Variants in KLC1 observed in about 807,000 individuals in gnomAD.
KLC1 encodes the protein kinesin light chain 1.
A neutral mutation model predicts 84.2 loss-of-function variants in KLC1; 30 were observed. The ratio of observed to expected loss-of-function variants is 0.36; its 90% CI spans 0.27 to 0.48. KLC1 has a LOEUF of 0.48. Ranked by LOEUF, KLC1 falls within the 20% of genes least tolerant of loss-of-function variation. KLC1 has a pLI of 0.99. For synonymous variants in KLC1, 289 were observed against 293.3 expected (o/e 0.99, Z 0.15); for missense variants, 499 against 805.4 (o/e 0.62, Z 4.60).
Position 103,669,587 on chromosome 14 carries a change from G to T in KLC1, c.874G>T (p.Asp292Tyr). Reference sequence around the variant, plus strand: ...TATTCGTGAGAAAACTTTGGGCAAAGATCATCCTGCGGTTTGTATATCCAG... The same window carrying T: ...TATTCGTGAGAAAACTTTGGGCAAATATCATCCTGCGGTTTGTATATCCAG... The part of the protein sequence containing the change: ...LAIREKTLGK[D>Y]HPAVAATLNN... The change falls in exon 6 of 17, where the codon GAT (aspartate) becomes TAT (tyrosine). Residue 292 changes from aspartate (D) to tyrosine (Y), a missense_variant. Asp to Tyr is a radical substitution (Grantham distance 160, BLOSUM62 -3). Transcript: ENST00000334553. 1 of 1,604,120 alleles carries T rather than the reference G, an allele frequency of 6.2e-7. No homozygotes were observed. Among genetic ancestry groups the T allele is most frequent in the Non-Finnish European group, 8.5e-7 (1 of 1,170,982 alleles).
chr14:103,640,835 T>C (rs1006753460), intron 1 of KLC1, among the ~76,000 whole-genome samples: 2 of 152,322 alleles, frequency 1.3e-5, no homozygotes, highest in Middle Eastern at 3.4e-3. Context: ...ATACTTTGCA[T>C]CCAATTTCCC....
intron 1 of KLC1, among the ~76,000 whole-genome samples, chr14:103,654,043 G>A (rs997091182): frequency 6.6e-6 from 1 of 152,282 alleles, no homozygotes; most frequent in African/African-American, 2.4e-5. Flanking sequence ...CCCGGTGACC[G>A]TGCTGCACCT....
intron 15 of KLC1, chr14:103,696,329 A>T: frequency 6.1e-6 from 6 of 985,204 alleles, no homozygotes; most frequent in Non-Finnish European, 7.2e-6. Flanking sequence ...GGCACGGGGC[A>T]CTCTCATGGG....
chr14:103,685,166 G>T, intron 13 of KLC1: 1 of 1,457,336 alleles, frequency 6.9e-7, no homozygotes, highest in Non-Finnish European at 9.1e-7. Flanking sequence ...ATTATCAACT[G>T]CATGTTTAAA....
At chr14:103,679,093 G>C (rs2081152355) in intron 12 of KLC1, among the ~76,000 whole-genome samples, 1 of 152,090 alleles carries the variant, frequency 6.6e-6, no homozygotes, top group Non-Finnish European at 1.5e-5. Context: ...GTTAAACTTA[G>C]AAAACCACAT....
At chr14:103,640,251 G>A (rs981282698) in intron 1 of KLC1, among the ~76,000 whole-genome samples, 6 of 151,910 alleles carry the variant, frequency 3.9e-5, no homozygotes, top group Admixed American at 1.3e-4. Flanking sequence ...ATAGAGACAG[G>A]GTTTCACCAT....
At chr14:103,657,352 C>T (rs552104858) in intron 2 of KLC1, among the ~76,000 whole-genome samples, 194 bp from the exon 3 acceptor site, 2 of 152,228 alleles carry the variant, frequency 1.3e-5, no homozygotes, top group African/African-American at 2.4e-5. Context: ...GTGTGATATT[C>T]TTTATCATAC....
chr14:103,659,630 G>T (rs1466979042), intron 3 of KLC1, among the ~76,000 whole-genome samples: 1 of 152,146 alleles, frequency 6.6e-6, no homozygotes, highest in Non-Finnish European at 1.5e-5. Context: ...TATGATGCCA[G>T]ACATGTTCAT....
intron 5 of KLC1, among the ~76,000 whole-genome samples, chr14:103,665,594 C>A (rs1480647706): frequency 6.6e-6 from 1 of 151,950 alleles, no homozygotes; most frequent in Non-Finnish European, 1.5e-5. Flanking sequence ...GCCACCAAGC[C>A]CCGCTAATTT....
chr14:103,669,432 T>G, intron 5 of KLC1, 79 bp from the exon 6 acceptor site: 1 of 824,410 alleles, frequency 1.2e-6, no homozygotes, highest in Non-Finnish European at 2.0e-6. Context: ...AGACTCTGTC[T>G]AAAAAAAAAG....
At chr14:103,656,900 G>T (rs543120971) in intron 2 of KLC1, among the ~76,000 whole-genome samples, 1 of 152,310 alleles carries the variant, frequency 6.6e-6, no homozygotes, top group African/African-American at 2.4e-5. Context: ...AGCTGTTTGT[G>T]CTCTTATGCT....
chr14:103,670,117 G>C, intron 6 of KLC1, 65 bp from the exon 7 acceptor site: 1 of 991,200 alleles, frequency 1.0e-6, no homozygotes, highest in Non-Finnish European at 1.5e-6. Flanking sequence ...TGAATATGTG[G>C]TGTATAAATG....
At chr14:103,687,844 G>A (rs1398287536) in intron 14 of KLC1, 1 of 152,142 alleles carries the variant, frequency 6.6e-6, no homozygotes, top group African/African-American at 2.4e-5. Flanking sequence ...TTTTTAATAT[G>A]GTGCACAAAG....
intron 5 of KLC1, among the ~76,000 whole-genome samples, chr14:103,668,598 G>A (rs770704607): frequency 2.1e-5 from 3 of 139,894 alleles, no homozygotes; most frequent in East Asian, 2.2e-4. Context: ...CTGCCTTAGC[G>A]TCCCCAGCAG....
chr14:103,659,474 A>C (rs556753600), intron 3 of KLC1, among the ~76,000 whole-genome samples: 2 of 152,214 alleles, frequency 1.3e-5, no homozygotes, highest in Non-Finnish European at 2.9e-5. Flanking sequence ...GGTCAGAACT[A>C]AGATATTAAC....
At chr14:103,633,799 C>T (rs1306436847) in intron 1 of KLC1, among the ~76,000 whole-genome samples, 1 of 152,134 alleles carries the variant, frequency 6.6e-6, no homozygotes, top group East Asian at 1.9e-4. Flanking sequence ...CCACATACTC[C>T]TTAGCCTCTG....
chr14:103,688,381 C>T (rs1251078850), intron 14 of KLC1, among the ~76,000 whole-genome samples: 1 of 152,158 alleles, frequency 6.6e-6, no homozygotes, highest in Non-Finnish European at 1.5e-5. Context: ...GAACTCCTGA[C>T]TTCAGGTGAT....
intron 5 of KLC1, among the ~76,000 whole-genome samples, chr14:103,664,573 G>A (rs1385716388): frequency 6.6e-6 from 1 of 151,952 alleles, no homozygotes; most frequent in Non-Finnish European, 1.5e-5. Flanking sequence ...CTTGCTCAGT[G>A]ATGCGATCAT....
At chr14:103,662,578 T>C in intron 4 of KLC1, 124 bp from the exon 5 acceptor site, 1 of 748,680 alleles carries the variant, frequency 1.3e-6, no homozygotes, top group Non-Finnish European at 2.1e-6. Context: ...TAGGAAAAGA[T>C]TTAAATAGCA....
Sources: allele counts gnomAD v4.1 joint callset (sites outside exome capture counted in the v4.1 genomes callset), GRCh38; gene constraint gnomAD v4.1.1; transcripts MANE v1.5; gene names NCBI Gene and HGNC (gene_info 2026-07-23, HGNC 2026-07-21).